Variants in NLGN1 observed in about 807,000 individuals in gnomAD.
NLGN1 encodes the protein neuroligin-1.
In NLGN1, 12 loss-of-function variants were observed where a neutral mutation model predicts 65.5. The observed-to-expected ratio is 0.18, with a 90% CI of 0.12 to 0.30. The LOEUF is 0.30. NLGN1 is among the 10% of genes least tolerant of loss of function. NLGN1 has a pLI of 1.00. For synonymous variants in NLGN1, 350 were observed against 359.5 expected, an observed-to-expected ratio of 0.97 and a Z score of 0.30; for missense variants, 750 against 1,007.1, an observed-to-expected ratio of 0.74 and a Z score of 3.46.
At chr3:174,182,947 C>T (rs1454665622) in intron 4 of NLGN1, among the ~76,000 whole-genome samples, 1 of 152,112 alleles carries the variant, frequency 6.6e-6, no homozygotes. Flanking sequence ...AATACAAAAC[C>T]GACTTTGCCA....
intron 2 of NLGN1, among the ~76,000 whole-genome samples, chr3:173,568,969 G>A (rs1206033782): frequency 1.3e-5 from 2 of 152,088 alleles, no homozygotes; most frequent in African/African-American, 2.4e-5. Context: ...GAATCACCGC[G>A]CCTGGCCTAG....
At chr3:174,263,434 G>A (rs1429362574) in intron 4 of NLGN1, among the ~76,000 whole-genome samples, 2 of 150,262 alleles carry the variant, frequency 1.3e-5, no homozygotes, top group Admixed American at 1.3e-4. Flanking sequence ...TTACCATTAT[G>A]TAATGGCCTT....
At chr3:174,107,817 A>G (rs1714277799) in intron 4 of NLGN1, among the ~76,000 whole-genome samples, 1 of 152,028 alleles carries the variant, frequency 6.6e-6, no homozygotes, top group Admixed American at 6.6e-5. Context: ...TAACTCTTTT[A>G]TTTTAGCCAT....
chr3:174,041,505 A>C (rs1410974793), intron 4 of NLGN1, among the ~76,000 whole-genome samples: 1 of 152,148 alleles, frequency 6.6e-6, no homozygotes, highest in Non-Finnish European at 1.5e-5. Flanking sequence ...AATACCTAGG[A>C]ATGGAATTGC....
chr3:174,207,573 G>A (rs1735668618), intron 4 of NLGN1, among the ~76,000 whole-genome samples: 1 of 152,154 alleles, frequency 6.6e-6, no homozygotes, highest in East Asian at 1.9e-4. Flanking sequence ...AATGTATATG[G>A]CTTCTATATA....
intron 4 of NLGN1, among the ~76,000 whole-genome samples, chr3:173,819,580 A>G (rs1719778157): frequency 6.6e-6 from 1 of 152,156 alleles, no homozygotes; most frequent in Admixed American, 6.5e-5. Flanking sequence ...CAATCGTTGT[A>G]GCTCTATTAT....
intron 2 of NLGN1, among the ~76,000 whole-genome samples, chr3:173,521,065 A>G (rs190741660): frequency 6.6e-6 from 1 of 152,202 alleles, no homozygotes; most frequent in African/African-American, 2.4e-5. Flanking sequence ...TAAAATTGCT[A>G]TACTATGTGA....
intron 3 of NLGN1, among the ~76,000 whole-genome samples, chr3:173,688,605 A>C (rs1283046105): frequency 6.6e-6 from 1 of 152,218 alleles, no homozygotes; most frequent in Non-Finnish European, 1.5e-5. Flanking sequence ...AACACTAAAC[A>C]CATGGCAGAC....
intron 3 of NLGN1, among the ~76,000 whole-genome samples, chr3:173,776,014 A>G (rs1288155317): frequency 6.6e-6 from 1 of 152,036 alleles, no homozygotes; most frequent in Non-Finnish European, 1.5e-5. Flanking sequence ...TTCTACTATC[A>G]ACATTAGCTT....
At chr3:174,257,791 T>C (rs1230434244) in intron 4 of NLGN1, among the ~76,000 whole-genome samples, 1 of 151,478 alleles carries the variant, frequency 6.6e-6, no homozygotes, top group Non-Finnish European at 1.5e-5. Context: ...AATTTTCATA[T>C]GCAAAAATCA....
At chr3:173,698,857 T>C (rs1196649671) in intron 3 of NLGN1, among the ~76,000 whole-genome samples, 1 of 135,944 alleles carries the variant, frequency 7.4e-6, no homozygotes, top group African/African-American at 2.5e-5. Flanking sequence ...TTTTTTTTGT[T>C]GTTTGTTTGT....
intron 4 of NLGN1, among the ~76,000 whole-genome samples, chr3:174,109,830 G>A (rs1373212646): frequency 6.6e-6 from 1 of 151,940 alleles, no homozygotes; most frequent in Admixed American, 6.6e-5. Flanking sequence ...ATTTAAATTT[G>A]GATTCAGTGT....
At chr3:173,480,703 T>C (rs2148965647) in intron 2 of NLGN1, among the ~76,000 whole-genome samples, 1 of 152,246 alleles carries the variant, frequency 6.6e-6, no homozygotes. Flanking sequence ...TAGCTTTAGC[T>C]TTTTAATTAT....
chr3:173,818,268 A>G (rs1719449031), intron 4 of NLGN1, among the ~76,000 whole-genome samples: 2 of 152,322 alleles, frequency 1.3e-5, no homozygotes, highest in Admixed American at 1.3e-4. Context: ...ATGACATTAA[A>G]CAAATAAACA....
chr3:174,093,897 T>C (rs1744978198), intron 4 of NLGN1, among the ~76,000 whole-genome samples: 1 of 152,186 alleles, frequency 6.6e-6, no homozygotes, highest in Admixed American at 6.5e-5. Context: ...CCCTCTCTAA[T>C]GGTTTTTCTT....
intron 2 of NLGN1, among the ~76,000 whole-genome samples, chr3:173,540,401 A>T (rs781645859): frequency 4.6e-5 from 7 of 152,144 alleles, no homozygotes; most frequent in Non-Finnish European, 8.8e-5. Flanking sequence ...CATCCAAATG[A>T]GGAATATGTT....
At position 173,566,934 on chromosome 3, in the gene NLGN1, C is replaced by G. The variant is rs1246582966; in HGVS notation, c.-320-37345C>G. 3.3e-5 allele frequency among the ~76,000 whole-genome samples: 5 copies of G among 152,174 alleles called. No individual in the cohort carries two copies. The South Asian group carries it at 1.0e-3, about 32-fold the overall frequency. On this transcript the variant is annotated intron_variant, in intron 2 of 6. Transcript: ENST00000457714. ...AAGGGAGATTTATCCTCTATCAGTTCAGTGTATAATGAAGTATTCTGTTAT... is the reference window on the plus strand; with the variant it reads ...AAGGGAGATTTATCCTCTATCAGTTGAGTGTATAATGAAGTATTCTGTTAT...
At chr3:173,420,861 A>G (rs1349106659) in intron 1 of NLGN1, among the ~76,000 whole-genome samples, 1 of 152,210 alleles carries the variant, frequency 6.6e-6, no homozygotes, top group Non-Finnish European at 1.5e-5. Context: ...ATTTTTACAC[A>G]TAGTTGAATC....
intron 4 of NLGN1, among the ~76,000 whole-genome samples, chr3:173,953,242 C>T (rs1748567797): frequency 6.6e-6 from 1 of 152,102 alleles, no homozygotes; most frequent in African/African-American, 2.4e-5. Flanking sequence ...ATTTATAAAT[C>T]AGGTTATTAT....
Sources: allele counts gnomAD v4.1 joint callset (sites outside exome capture counted in the v4.1 genomes callset), GRCh38; gene constraint gnomAD v4.1.1; transcripts MANE v1.5; gene names NCBI Gene and HGNC (gene_info 2026-07-23, HGNC 2026-07-21).